The following KIAA0753 variants were observed in gnomAD, a reference collection of about 807,000 sequenced individuals.
KIAA0753 encodes the protein KIAA0753.
KIAA0753 carries 114 observed loss-of-function variants against 116.9 expected under a neutral mutation model. That is an observed-to-expected ratio of 0.98 (90% CI 0.84 to 1.14). KIAA0753 has a LOEUF of 1.14. Ranked by LOEUF, KIAA0753 falls within the 50% of genes most tolerant of loss-of-function variation. The probability of loss-of-function intolerance (pLI) is 0.00; values close to 1 mark genes in which losing one functional copy is unlikely to be tolerated. For missense variants in KIAA0753, 1,156 were observed against 1,172.4 expected, an observed-to-expected ratio of 0.99 and a Z score of 0.20; for synonymous variants, 405 against 413.1, an observed-to-expected ratio of 0.98 and a Z score of 0.24.
At chr17:6,581,404 A>G (rs1224771421) in intron 18 of KIAA0753, among the ~76,000 whole-genome samples, 1 of 152,158 alleles carries the variant, frequency 6.6e-6, no homozygotes, top group Non-Finnish European at 1.5e-5. Context: ...TATCTATTTG[A>G]TATCCATTAA....
At position 6,627,523 on chromosome 17, in the gene KIAA0753, C is replaced by T. The variant is rs76997256; in HGVS notation, c.718+594G>A. 7.6e-3 allele frequency among the ~76,000 whole-genome samples: 1,155 copies of T among 152,246 alleles called. 14 individuals carry two copies. Among genetic ancestry groups the T allele is most frequent in the African/African-American group, 0.026 (1,067 of 41,524 alleles). ...AGTTACGGTAACCCCAAATTCTCCA[C>T]GTGGAACCAGTCTTCTACTCAGCAG... is the stretch of plus-strand genomic sequence containing the variant. On this transcript the variant is annotated intron_variant, in intron 3 of 18. Coordinates refer to ENST00000361413, the MANE Select transcript of KIAA0753 (RefSeq NM_014804.3).
At chr17:6,592,735 C>A (rs1404463776) in intron 16 of KIAA0753, among the ~76,000 whole-genome samples, 1 of 152,170 alleles carries the variant, frequency 6.6e-6, no homozygotes, top group Non-Finnish European at 1.5e-5. Flanking sequence ...ACAAGAGAAT[C>A]TCTTCCCACT....
At chr17:6,604,242 A>G (rs1460698548) in intron 12 of KIAA0753, among the ~76,000 whole-genome samples, 1 of 110,290 alleles carries the variant, frequency 9.1e-6, no homozygotes, top group Non-Finnish European at 1.8e-5. Flanking sequence ...AAGAACTCAG[A>G]TGTTCTTTTT....
At chr17:6,607,042 C>A (rs1178284633) in intron 11 of KIAA0753, 80 bp from the exon 12 acceptor site, 2 of 1,461,478 alleles carry the variant, frequency 1.4e-6, no homozygotes, top group South Asian at 1.1e-5. Context: ...CTTGGCTCCC[C>A]CCTTGGCTTC....
At chr17:6,596,740 A>G (rs1324201258) in intron 14 of KIAA0753, among the ~76,000 whole-genome samples, 1 of 152,322 alleles carries the variant, frequency 6.6e-6, no homozygotes, top group East Asian at 1.9e-4. Context: ...TGCTTCTGTG[A>G]AAACGTCTGC....
At chr17:6,610,277 A>C in intron 8 of KIAA0753, 117 bp from the exon 9 acceptor site, 1 of 968,286 alleles carries the variant, frequency 1.0e-6, no homozygotes, top group Non-Finnish European at 1.4e-6. Context: ...ATTCGGTAAA[A>C]CCTGAGTAGA....
rs1162653248 is a variant in KIAA0753 at position 6,579,136 on chromosome 17, C to T, written c.*611G>A. 5 of 152,184 alleles carry T rather than the reference C, an allele frequency of 3.3e-5. No individual in the cohort carries two copies. The highest frequency in any genetic ancestry group is 4.1e-4 in the South Asian group (2 of 4,832). 9.4% of individuals were successfully genotyped at this position (152,184 alleles called of 1,614,324 possible). A position where few individuals can be genotyped will look rare whatever the true frequency, so the allele number is the denominator to read the frequency against. On this transcript the variant is annotated 3_prime_UTR_variant, in exon 19 of 19. Coordinates refer to ENST00000361413, the MANE Select transcript of KIAA0753 (RefSeq NM_014804.3). ...ATGTGAAAATCACCTAGGAATGGAA[C>T]GTTGAAGAAATGTGTGTCTATTATT... is the stretch of plus-strand genomic sequence containing the variant.
At position 6,623,585 on chromosome 17, in the gene KIAA0753, G is replaced by C; in HGVS notation, c.826-14C>G. 2.5e-6 allele frequency: 4 copies of C among 1,601,708 alleles called. No homozygotes were observed. Among genetic ancestry groups the C allele is most frequent in the Non-Finnish European group, 3.4e-6 (4 of 1,175,238 alleles). On this transcript the variant is annotated splice_polypyrimidine_tract_variant and intron_variant, in intron 4 of 18. Transcript: ENST00000361413. ...GATTTCTTTTACCTGTTTTGTAAAG[G>C]GGAAAAAAGAAAACTTCATACCTTT...
chr17:6,580,161 G>A (rs926313560), intron 18 of KIAA0753, among the ~76,000 whole-genome samples: 9 of 151,280 alleles, frequency 5.9e-5, no homozygotes, highest in African/African-American at 2.2e-4. Context: ...ACTCCAGCCT[G>A]GGCAACAGAG....
intron 18 of KIAA0753, among the ~76,000 whole-genome samples, chr17:6,584,437 G>A (rs1313906619): frequency 1.3e-5 from 2 of 152,178 alleles, no homozygotes; most frequent in African/African-American, 4.8e-5. Flanking sequence ...TGATTGCCTC[G>A]TTTTTATGTT....
chr17:6,600,335 AG>A, intron 13 of KIAA0753, 44 bp downstream of exon 13: 1 of 1,452,040 alleles, frequency 6.9e-7, no homozygotes, highest in South Asian at 1.2e-5. Flanking sequence ...TTTTAAATCC[AG>A]GACTTCCAAA....
intron 12 of KIAA0753, 56 bp downstream of exon 12, chr17:6,606,817 T>C: frequency 6.9e-7 from 1 of 1,457,014 alleles, no homozygotes; most frequent in South Asian, 1.1e-5. Flanking sequence ...TAGAACTATC[T>C]AGATCAATTA....
chr17:6,606,948 T>C lies in KIAA0753; in HGVS notation c.1934A>G (p.Asp645Gly), dbSNP rs747920319. Residue 645 changes from aspartate (D) to glycine (G), a missense_variant, in exon 12 of 19, where the codon GAT becomes GGT. Asp to Gly is a moderately conservative substitution (Grantham distance 94). Transcript: ENST00000361413. Reference protein sequence around the residue: ...SMQKQRLDWLDAETSRRTKEL... With the variant: ...SMQKQRLDWLGAETSRRTKEL... ...CTTTGTTCTTCTAGAAGTTTCAGCA[T>C]CAAGCCAATCAAGCCTAGAGAACAG... is the stretch of plus-strand genomic sequence containing the variant. The C allele has an allele frequency of 1.7e-5, 28 of 1,613,866 alleles. No homozygotes were observed. Among genetic ancestry groups the C allele is most frequent in the Non-Finnish European group, 2.2e-5 (26 of 1,179,880 alleles).
chr17:6,628,977 C>T (rs528206101), intron 2 of KIAA0753, among the ~76,000 whole-genome samples: 8 of 152,312 alleles, frequency 5.3e-5, no homozygotes, highest in African/African-American at 1.9e-4. Context: ...TTACTAATGT[C>T]ATACTGGGAA....
At chr17:6,627,942 A>G (rs2150906335) in intron 3 of KIAA0753, among the ~76,000 whole-genome samples, 175 bp downstream of exon 3, 1 of 152,278 alleles carries the variant, frequency 6.6e-6, no homozygotes, top group Non-Finnish European at 1.5e-5. Context: ...CTGGGGCAAG[A>G]CACTGTTCAA....
In KIAA0753 at chr17:6,596,344, C is replaced by T. The variant is rs1362447172; in HGVS notation, c.2173-1G>A. 1 of 1,545,724 alleles carries T rather than the reference C, an allele frequency of 6.5e-7. No homozygotes were observed. Among genetic ancestry groups the T allele is most frequent in the Non-Finnish European group, 8.8e-7 (1 of 1,136,994 alleles). On this transcript the variant is annotated splice_acceptor_variant, in intron 14 of 18. Coordinates refer to ENST00000361413, the MANE Select transcript of KIAA0753 (RefSeq NM_014804.3). LOFTEE classifies it high-confidence loss of function. ...TGGATTCAAAATCAACAGCTGCAAC[C>T]TACAAGATGGGGTGGGGTGGGGAGG...
Position 6,607,251 on chromosome 17 carries a change from C to A in KIAA0753, c.1849G>T (p.Glu617Ter). 1 of 1,614,074 alleles carries A rather than the reference C, an allele frequency of 6.2e-7. No homozygotes were observed. The change falls in exon 11 of 19, where the codon GAA becomes TAA. Residue 617 changes from glutamate (E) to a stop codon, truncating the protein, a stop_gained. Transcript: ENST00000361413. LOFTEE classifies it high-confidence loss of function. ...AGTTCCTTCAATCTTTTGGAAGTTT[C>A]AGCATCAAGCCAAGCGAGCCTAGCA... ...EAARLAWLDA[E>*]TSKRLKELEE... is the part of the protein sequence containing the mutation.
chr17:6,629,377 A>G (rs1971882965), intron 2 of KIAA0753, among the ~76,000 whole-genome samples: 1 of 152,136 alleles, frequency 6.6e-6, no homozygotes. Context: ...TCATTGTTGC[A>G]TTTTCCAAAA....
chr17:6,582,384 C>T (rs796411912), intron 18 of KIAA0753, among the ~76,000 whole-genome samples: 24 of 152,202 alleles, frequency 1.6e-4, no homozygotes, highest in African/African-American at 4.3e-4. Flanking sequence ...TGTTTGTATT[C>T]GACTTAAGGC....
Sources: gnomAD v4.1 joint callset for allele counts (sites outside exome capture counted in the v4.1 genomes callset) on GRCh38, gnomAD v4.1.1 for gene constraint, MANE v1.5 for transcripts, NCBI Gene and HGNC (gene_info 2026-07-23, HGNC 2026-07-21) for gene names.